Variants in DOP1A observed in about 807,000 individuals in gnomAD.
DOP1A encodes the protein DOP1 leucine zipper like protein A, also known as protein DOP1A.
Under a neutral mutation model 267.6 loss-of-function variants are expected in DOP1A, and 90 were observed. That is an observed-to-expected ratio of 0.34 (90% CI 0.28 to 0.40). DOP1A has a LOEUF of 0.40. DOP1A is among the 10% of genes least tolerant of loss of function. The probability of loss-of-function intolerance (pLI) is 1.00; values close to 1 mark genes in which losing one functional copy is unlikely to be tolerated. For missense variants in DOP1A, 2,437 were observed against 2,900.4 expected (o/e 0.84, Z 3.67); for synonymous variants, 932 against 999.1 (o/e 0.93, Z 1.27).
At chr6:83,115,682 G>C (rs1243796305) in intron 7 of DOP1A, among the ~76,000 whole-genome samples, 1 of 152,110 alleles carries the variant, frequency 6.6e-6, no homozygotes, top group Admixed American at 6.5e-5. Context: ...AAGTGATCGT[G>C]CCACTGCACT....
chr6:83,077,255 A>T (rs931388034), intron 1 of DOP1A, among the ~76,000 whole-genome samples: 1 of 152,184 alleles, frequency 6.6e-6, no homozygotes, highest in African/African-American at 2.4e-5. Flanking sequence ...TAATCCCAAC[A>T]CTTTGGAAGG....
chr6:83,071,853 A>G (rs1029164181), intron 1 of DOP1A, among the ~76,000 whole-genome samples: 2 of 152,212 alleles, frequency 1.3e-5, no homozygotes, highest in African/African-American at 4.8e-5. Flanking sequence ...ATTTGAATCT[A>G]AAATCTAAAT....
chr6:83,155,634 G>A (rs1011076004), intron 33 of DOP1A, among the ~76,000 whole-genome samples: 6 of 152,110 alleles, frequency 3.9e-5, no homozygotes, highest in African/African-American at 1.4e-4. Context: ...TTAAAGTAAC[G>A]AGAAGGATTT....
chr6:83,087,429 A>T (rs913694390), intron 1 of DOP1A, among the ~76,000 whole-genome samples: 6 of 152,170 alleles, frequency 3.9e-5, no homozygotes, highest in Non-Finnish European at 7.3e-5. Context: ...ACAAAAAAAA[A>T]CATGTAGTTG....
At chr6:83,160,279 A>G (rs963983377) in intron 37 of DOP1A, among the ~76,000 whole-genome samples, 5 of 152,240 alleles carry the variant, frequency 3.3e-5, no homozygotes, top group Non-Finnish European at 5.9e-5. Context: ...GCCACATAGC[A>G]GAGATCCCTA....
chr6:83,122,171 G>C (rs1172141112), intron 11 of DOP1A, 121 bp downstream of exon 11: 4 of 1,093,314 alleles, frequency 3.7e-6, no homozygotes, highest in Non-Finnish European at 5.2e-6. Context: ...AAGTAAAGCT[G>C]ATTTAATACT....
At chr6:83,069,523 T>G (rs1330182171) in intron 1 of DOP1A, among the ~76,000 whole-genome samples, 1 of 152,190 alleles carries the variant, frequency 6.6e-6, no homozygotes, top group Non-Finnish European at 1.5e-5. Flanking sequence ...TGAGTCCTCT[T>G]CAACTGTAAA....
chr6:83,164,646 C>T, intron 38 of DOP1A: 1 of 1,562,696 alleles, frequency 6.4e-7, no homozygotes, highest in Non-Finnish European at 8.7e-7. Context: ...GAGTTCTCCT[C>T]TTTCCTTCCA....
chr6:83,109,119 T>C, intron 5 of DOP1A, 39 bp downstream of exon 5: 1 of 1,586,758 alleles, frequency 6.3e-7, no homozygotes, highest in South Asian at 1.1e-5. Context: ...ATTGAAGTCA[T>C]GGATTTGTCA....
chr6:83,166,037 G>A (rs1342149809), intron 38 of DOP1A: 8 of 273,950 alleles, frequency 2.9e-5, no homozygotes, highest in East Asian at 8.0e-5. Context: ...GCTGGTCATC[G>A]CCAGTTGTCG....
intron 27 of DOP1A, among the ~76,000 whole-genome samples, chr6:83,149,237 G>C (rs1329295212): frequency 6.6e-6 from 1 of 152,108 alleles, no homozygotes; most frequent in African/African-American, 2.4e-5. Context: ...AACAGCCTGG[G>C]AAAATTTTTC....
intron 3 of DOP1A, among the ~76,000 whole-genome samples, chr6:83,100,035 C>G (rs1431262614): frequency 6.6e-6 from 1 of 152,066 alleles, no homozygotes; most frequent in Non-Finnish European, 1.5e-5. Flanking sequence ...ATAAGATCTT[C>G]TTTACTTAAC....
intron 1 of DOP1A, among the ~76,000 whole-genome samples, chr6:83,072,129 C>T (rs999153710): frequency 1.4e-4 from 22 of 152,082 alleles, no homozygotes; most frequent in African/African-American, 5.3e-4. Context: ...GAAGGAGTTT[C>T]GTATGAACAT....
chr6:83,068,897 T>A (rs1206376279), intron 1 of DOP1A, among the ~76,000 whole-genome samples: 1 of 152,202 alleles, frequency 6.6e-6, no homozygotes, highest in African/African-American at 2.4e-5. Flanking sequence ...TTCTCTGTAA[T>A]TGTTAAGCAG....
intron 1 of DOP1A, chr6:83,073,111 C>G (rs1286154491): frequency 4.6e-6 from 1 of 219,224 alleles, no homozygotes; most frequent in South Asian, 5.4e-5. Context: ...GAGACAGACT[C>G]TCACTCTTTT....
chr6:83,135,338 A>T (rs908539153), intron 19 of DOP1A, among the ~76,000 whole-genome samples: 1 of 151,806 alleles, frequency 6.6e-6, no homozygotes, highest in Admixed American at 6.6e-5. Context: ...GACTAATCAT[A>T]TTTTTTTTCA....
chr6:83,078,598 G>A (rs1306761741), intron 1 of DOP1A, among the ~76,000 whole-genome samples: 2 of 152,200 alleles, frequency 1.3e-5, no homozygotes, highest in Non-Finnish European at 2.9e-5. Flanking sequence ...TGACAGTAAT[G>A]AAGGAAAACA....
intron 1 of DOP1A, among the ~76,000 whole-genome samples, chr6:83,090,141 G>GTAATA (rs1562281672): frequency 1.3e-5 from 2 of 152,060 alleles, no homozygotes. Flanking sequence ...AAATAATGAC[G>GTAATA]ACAACTGTTT....
At chr6:83,114,688 A>G (rs1775120290) in intron 7 of DOP1A, among the ~76,000 whole-genome samples, 1 of 152,160 alleles carries the variant, frequency 6.6e-6, no homozygotes, top group South Asian at 2.1e-4. Context: ...GAATAACTTA[A>G]TTTGTAATCT....
Sources: gnomAD v4.1 joint callset for allele counts (sites outside exome capture counted in the v4.1 genomes callset) on GRCh38, gnomAD v4.1.1 for gene constraint, MANE v1.5 for transcripts, NCBI Gene and HGNC (gene_info 2026-07-23, HGNC 2026-07-21) for gene names.